The following CNTNAP5 variants were observed in gnomAD, a reference collection of about 807,000 sequenced individuals.
CNTNAP5 encodes contactin associated protein family member 5.
Under a neutral mutation model 150.2 loss-of-function variants are expected in CNTNAP5, and 72 were observed. The ratio of observed to expected loss-of-function variants is 0.48; its 90% confidence interval spans 0.40 to 0.58. CNTNAP5 has a LOEUF of 0.58. Ranked by LOEUF, CNTNAP5 falls within the 20% of genes least tolerant of loss-of-function variation. The pLI is 0.00. For missense variants in CNTNAP5, 1,636 were observed against 1,626.2 expected, an observed-to-expected ratio of 1.01 and a Z score of -0.10; for synonymous variants, 672 against 619.8, an observed-to-expected ratio of 1.08 and a Z score of -1.25.
At chr2:124,158,201 A>G (rs1444967683) in intron 1 of CNTNAP5, among the ~76,000 whole-genome samples, 2 of 151,994 alleles carry the variant, frequency 1.3e-5, no homozygotes, top group African/African-American at 4.8e-5. Context: ...ACAACCCAAA[A>G]CCCTCCCTTG....
chr2:124,895,528 A>G (rs1295724794), intron 21 of CNTNAP5, among the ~76,000 whole-genome samples: 1 of 151,546 alleles, frequency 6.6e-6, no homozygotes, highest in African/African-American at 2.4e-5. Flanking sequence ...GGGTTGGCTG[A>G]GGTGGAAGCA....
intron 6 of CNTNAP5, among the ~76,000 whole-genome samples, chr2:124,452,748 C>T (rs910076665): frequency 6.6e-6 from 1 of 152,138 alleles, no homozygotes; most frequent in African/African-American, 2.4e-5. Flanking sequence ...GGTAGACTTG[C>T]TGGGTGGCCA....
intron 12 of CNTNAP5, among the ~76,000 whole-genome samples, chr2:124,639,895 C>T (rs1678053216): frequency 6.6e-6 from 1 of 152,098 alleles, no homozygotes. Flanking sequence ...AATGCCAATA[C>T]ACTGAGTATG....
chr2:124,723,699 T>A (rs1573574383), intron 13 of CNTNAP5, among the ~76,000 whole-genome samples: 1 of 152,184 alleles, frequency 6.6e-6, no homozygotes, highest in African/African-American at 2.4e-5. Flanking sequence ...CAATTTTGAC[T>A]TGCAGATGGC....
intron 19 of CNTNAP5, among the ~76,000 whole-genome samples, chr2:124,802,597 A>C (rs777898096): frequency 1.3e-5 from 2 of 152,196 alleles, no homozygotes; most frequent in Non-Finnish European, 2.9e-5. Flanking sequence ...TTGGAGGAGA[A>C]AGGGTCTTGA....
At chr2:124,551,881 T>C (rs903863282) in intron 10 of CNTNAP5, among the ~76,000 whole-genome samples, 4 of 152,136 alleles carry the variant, frequency 2.6e-5, no homozygotes, top group African/African-American at 9.7e-5. Context: ...GAGTATATTT[T>C]TTAATGCTCT....
chr2:124,403,209 A>G (rs371254624), intron 3 of CNTNAP5, among the ~76,000 whole-genome samples: 1 of 152,226 alleles, frequency 6.6e-6, no homozygotes. Flanking sequence ...TCGAGGTATT[A>G]GCAGGTCGTT....
At chr2:124,665,724 A>T (rs1188258808) in intron 13 of CNTNAP5, among the ~76,000 whole-genome samples, 1 of 151,924 alleles carries the variant, frequency 6.6e-6, no homozygotes, top group Non-Finnish European at 1.5e-5. Context: ...GTCTCTACTA[A>T]AAATACAAAA....
rs539925886 is a variant in CNTNAP5 at position 124,382,936 on chromosome 2, G to T, written c.382-34507G>T. On this transcript the variant is annotated intron_variant, in intron 3 of 23. Coordinates refer to ENST00000682447, the MANE Select transcript of CNTNAP5 (RefSeq NM_001367498.1). ...TTTTAAAGTGTTCTTAACATTCCTC[G>T]GATTCTGGCATTTTCTTGAAATAAA... Among the ~76,000 whole-genome samples the T allele has an allele frequency of 2.6e-5, 4 of 151,964 alleles. No homozygotes were observed. The South Asian group carries it at 8.3e-4, about 32-fold the overall frequency.
chr2:124,884,227 G>A (rs992938610), intron 21 of CNTNAP5, among the ~76,000 whole-genome samples: 5 of 152,108 alleles, frequency 3.3e-5, no homozygotes, highest in Non-Finnish European at 5.9e-5. Flanking sequence ...GCATGCATAT[G>A]TATGTGTGCA....
At chr2:124,418,031 C>T (rs1276429069) in intron 4 of CNTNAP5, among the ~76,000 whole-genome samples, 1 of 152,130 alleles carries the variant, frequency 6.6e-6, no homozygotes. Context: ...AATGCTTTCT[C>T]CTTGAAATGA....
chr2:124,642,381 C>A (rs57674679), intron 12 of CNTNAP5, among the ~76,000 whole-genome samples: 2,682 of 152,230 alleles, frequency 0.018, 65 homozygotes, highest in African/African-American at 0.061. Context: ...CTTAAAAGAG[C>A]AGCTTCAGAA....
intron 19 of CNTNAP5, among the ~76,000 whole-genome samples, chr2:124,832,919 CT>C (rs539240335): frequency 6.2e-4 from 89 of 143,082 alleles, no homozygotes; most frequent in East Asian, 6.1e-4. Flanking sequence ...TTTTCTTTTC[CT>C]TTTTTTTTTT....
chr2:124,618,132 T>C (rs569882421), intron 12 of CNTNAP5, among the ~76,000 whole-genome samples: 1 of 152,244 alleles, frequency 6.6e-6, no homozygotes, highest in African/African-American at 2.4e-5. Flanking sequence ...CTGTTGAAGC[T>C]CTGTAATCTG....
chr2:124,750,428 A>G (rs1680699649), intron 14 of CNTNAP5, among the ~76,000 whole-genome samples: 1 of 152,182 alleles, frequency 6.6e-6, no homozygotes, highest in Admixed American at 6.5e-5. Context: ...AGCTTCATTC[A>G]TTGTCTTAGT....
At chr2:124,188,145 G>C (rs1016938300) in intron 1 of CNTNAP5, among the ~76,000 whole-genome samples, 2 of 152,282 alleles carry the variant, frequency 1.3e-5, no homozygotes, top group South Asian at 4.1e-4. Flanking sequence ...GTGCACAAAA[G>C]CCTTCCTGGC....
chr2:124,718,983 A>G (rs373621388), intron 13 of CNTNAP5, among the ~76,000 whole-genome samples: 2 of 152,110 alleles, frequency 1.3e-5, no homozygotes, highest in East Asian at 3.9e-4. Flanking sequence ...CCAGTGCCTA[A>G]GTGAATGCCA....
chr2:124,176,919 A>G (rs1254782402), intron 1 of CNTNAP5, among the ~76,000 whole-genome samples: 1 of 140,782 alleles, frequency 7.1e-6, no homozygotes, highest in Non-Finnish European at 1.5e-5. Context: ...ATCTTGGCCC[A>G]CTGCAACTTC....
chr2:124,537,304 G>T (rs1695261479), intron 10 of CNTNAP5, among the ~76,000 whole-genome samples: 1 of 152,148 alleles, frequency 6.6e-6, no homozygotes, highest in Non-Finnish European at 1.5e-5. Context: ...GCAGGATTGT[G>T]AAGTGGAAAA....
Sources: gnomAD v4.1 joint callset for allele counts (sites outside exome capture counted in the v4.1 genomes callset) on GRCh38, gnomAD v4.1.1 for gene constraint, MANE v1.5 for transcripts, NCBI Gene and HGNC (gene_info 2026-07-23, HGNC 2026-07-21) for gene names.